The following KPNA3 variants were observed in gnomAD, a reference collection of about 807,000 sequenced individuals.
KPNA3 encodes karyopherin subunit alpha 3, also known as importin subunit alpha-4.
A neutral mutation model predicts 73.8 loss-of-function variants in KPNA3; 13 were observed. The observed-to-expected ratio is 0.18, with a 90% confidence interval of 0.11 to 0.28. The LOEUF is 0.28. Ranked by LOEUF, KPNA3 falls within the 10% of genes least tolerant of loss-of-function variation. The pLI is 1.00. For missense variants in KPNA3, 360 were observed against 618.1 expected, an observed-to-expected ratio of 0.58 and a Z score of 4.43; for synonymous variants, 186 against 206.9, an observed-to-expected ratio of 0.90 and a Z score of 0.87.
Position 49,784,416 on chromosome 13 carries a change from G to C in KPNA3, c.69+8022C>G, listed in dbSNP as rs553633419. Reference sequence around the variant, plus strand: ...GCTGTTGTTACAAACCTGGAAAAAAGCAATTTCATATAGTGCAATTTAATA... The same window carrying C: ...GCTGTTGTTACAAACCTGGAAAAAACCAATTTCATATAGTGCAATTTAATA... On this transcript the variant is annotated intron_variant, in intron 1 of 16. Coordinates refer to ENST00000261667, the MANE Select transcript of KPNA3 (RefSeq NM_002267.4). Among the ~76,000 whole-genome samples, 131 of 152,164 alleles carry C rather than the reference G, an allele frequency of 8.6e-4. 1 individual carries two copies. In the South Asian group the frequency reaches 0.01, roughly 12 times the overall value.
Position 49,744,506 on chromosome 13 carries a change from C to T in KPNA3, c.114+2443G>A, listed in dbSNP as rs189497944. Among the ~76,000 whole-genome samples, 104 of 152,026 alleles carry T rather than the reference C, an allele frequency of 6.8e-4. 1 individual carries two copies. The highest frequency in any genetic ancestry group is 2.4e-3 in the African/African-American group (100 of 41,474). On this transcript the variant is annotated intron_variant, in intron 2 of 16. Transcript: ENST00000261667. ...ATAATTCTATCATTAGTTGTTAATC[C>T]ATTGATGATTGAAACAAAAAAATGA...
chr13:49,747,071 G>T (rs1446139598), intron 1 of KPNA3, 78 bp from the exon 2 acceptor site: 1 of 1,058,942 alleles, frequency 9.4e-7, no homozygotes, highest in East Asian at 2.4e-5. Flanking sequence ...GCTGGGTGCA[G>T]TGGCTCATGC....
At chr13:49,725,597 T>C (rs889579723) in intron 6 of KPNA3, 96 bp from the exon 7 acceptor site, 6 of 714,352 alleles carry the variant, frequency 8.4e-6, no homozygotes, top group South Asian at 2.3e-5. Context: ...CTTTGCCTTG[T>C]CCTTGAATTT....
chr13:49,737,597 G>GTGTGTGTGTGTT (rs1566345361), intron 2 of KPNA3, among the ~76,000 whole-genome samples: 1 of 136,698 alleles, frequency 7.3e-6, no homozygotes, highest in African/African-American at 2.7e-5. Flanking sequence ...GTGTGTGTGT[G>GTGTGTGTGTGTT]TGTGTGTGTG....
At chr13:49,712,132 C>T (rs1034967442) in intron 10 of KPNA3, among the ~76,000 whole-genome samples, 3 of 152,124 alleles carry the variant, frequency 2.0e-5, no homozygotes, top group African/African-American at 7.2e-5. Flanking sequence ...CTGGCTACTG[C>T]CCACCCTGGC....
chr13:49,703,181 T>TTA (rs1954165408), intron 15 of KPNA3, among the ~76,000 whole-genome samples: 1 of 112,726 alleles, frequency 8.9e-6, no homozygotes, highest in African/African-American at 3.0e-5. Context: ...TTTTCTTTCT[T>TTA]TCTTTTTTTT....
intron 15 of KPNA3, 116 bp from the exon 16 acceptor site, chr13:49,702,596 C>T (rs1255328169): frequency 1.8e-6 from 1 of 541,390 alleles, no homozygotes; most frequent in African/African-American, 2.0e-5. Flanking sequence ...ACTGCTCCCC[C>T]ATCTAAGATA....
In KPNA3 at chr13:49,705,749, G is replaced by A; in HGVS notation, c.1244C>T (p.Pro415Leu). 2 of 1,613,566 alleles carry A rather than the reference G, an allele frequency of 1.2e-6. No homozygotes were observed. The highest frequency in any genetic ancestry group is 1.7e-6 in the Non-Finnish European group (2 of 1,179,606). The change falls in exon 15 of 17, where the codon CCG (proline) becomes CTG (leucine). Residue 415 changes from proline (P) to leucine (L), a missense_variant. Physicochemically the swap from Pro to Leu is moderately conservative, Grantham distance 98. Coordinates refer to ENST00000261667, the MANE Select transcript of KPNA3 (RefSeq NM_002267.4). ...TTTCACTGACAGTAAATTACAGAAC[G>A]GTGGTATTACATTCTGCTGTACAAG... ...EYLVQQNVIP[P>L]FCNLLSVKDS...
intron 9 of KPNA3, among the ~76,000 whole-genome samples, chr13:49,720,854 CTTTG>C (rs1430595343): frequency 6.6e-6 from 1 of 151,136 alleles, no homozygotes; most frequent in Non-Finnish European, 1.5e-5. Context: ...AAAGTTTTTA[CTTTG>C]TTTTAATTAG....
intron 6 of KPNA3, 22 bp from the exon 7 acceptor site, chr13:49,725,523 TC>T: frequency 1.4e-6 from 2 of 1,468,906 alleles, no homozygotes; most frequent in Non-Finnish European, 1.9e-6. Flanking sequence ...CAATAACACA[TC>T]TTTTTAGACA....
chr13:49,779,097 A>ATT (rs5803484), intron 1 of KPNA3, among the ~76,000 whole-genome samples: 1 of 147,026 alleles, frequency 6.8e-6, no homozygotes, highest in African/African-American at 2.5e-5. Flanking sequence ...TGCTAGTTCC[A>ATT]TTTTTTTTTT....
intron 2 of KPNA3, among the ~76,000 whole-genome samples, chr13:49,733,672 C>A (rs1391276652): frequency 6.6e-6 from 1 of 152,210 alleles, no homozygotes; most frequent in Non-Finnish European, 1.5e-5. Flanking sequence ...CAGTCCCGCA[C>A]TGACTGTAGG....
At chr13:49,766,997 ATTT>A (rs199591606) in intron 1 of KPNA3, among the ~76,000 whole-genome samples, 1 of 118,394 alleles carries the variant, frequency 8.4e-6, no homozygotes. Flanking sequence ...TCAAGTTAGG[ATTT>A]TTTTTTTTTT....
intron 12 of KPNA3, among the ~76,000 whole-genome samples, chr13:49,707,319 C>T (rs1347374640): frequency 6.6e-6 from 1 of 152,150 alleles, no homozygotes; most frequent in Non-Finnish European, 1.5e-5. Context: ...TGCCATCCAA[C>T]TGTGGTAAGT....
chr13:49,762,933 AAG>A (rs1954780765), intron 1 of KPNA3, among the ~76,000 whole-genome samples: 1 of 98,712 alleles, frequency 1.0e-5, no homozygotes, highest in African/African-American at 2.8e-5. Context: ...AAAACAAAAA[AAG>A]AAGAGGAGAG....
intron 1 of KPNA3, among the ~76,000 whole-genome samples, chr13:49,764,753 TAAAAA>T (rs879573361): frequency 1.4e-5 from 2 of 141,962 alleles, no homozygotes; most frequent in Non-Finnish European, 3.1e-5. Flanking sequence ...GTCTTTCACT[TAAAAA>T]AAAAAAAAAG....
chr13:49,714,153 G>A (rs999683206), intron 10 of KPNA3, among the ~76,000 whole-genome samples: 1 of 152,094 alleles, frequency 6.6e-6, no homozygotes, highest in South Asian at 2.1e-4. Flanking sequence ...AACAGCAAGA[G>A]TGAGTGAACA....
chr13:49,786,669 G>GT (rs1566363899), intron 1 of KPNA3, among the ~76,000 whole-genome samples: 5 of 152,244 alleles, frequency 3.3e-5, no homozygotes, highest in African/African-American at 1.2e-4. Context: ...GCATGAAGAA[G>GT]AAACTACTGG....
intron 1 of KPNA3, among the ~76,000 whole-genome samples, chr13:49,753,233 C>T (rs1954681739): frequency 6.6e-6 from 1 of 151,900 alleles, no homozygotes; most frequent in Non-Finnish European, 1.5e-5. Flanking sequence ...ACCCAAGTAC[C>T]TGGGGAATCC....
Sources: allele counts gnomAD v4.1 joint callset (sites outside exome capture counted in the v4.1 genomes callset), GRCh38; gene constraint gnomAD v4.1.1; transcripts MANE v1.5; gene names NCBI Gene and HGNC (gene_info 2026-07-23, HGNC 2026-07-21).